The following AKAP6 variants were observed in gnomAD, a reference collection of about 807,000 sequenced individuals.
The protein encoded by AKAP6 is A-kinase anchor protein 6.
AKAP6 carries 58 observed loss-of-function variants against 188.5 expected under a neutral mutation model. The observed-to-expected ratio is 0.31, with a 90% CI of 0.25 to 0.38. The LOEUF is 0.38. Ranked by LOEUF, AKAP6 falls within the 10% of genes least tolerant of loss-of-function variation. The probability of loss-of-function intolerance (pLI) is 1.00; values close to 1 mark genes in which losing one functional copy is unlikely to be tolerated. For missense variants in AKAP6, 2,710 were observed against 2,740.0 expected (o/e 0.99, Z 0.24); for synonymous variants, 989 against 998.6 (o/e 0.99, Z 0.18).
chr14:32,583,983 C>T (rs1000747187), intron 5 of AKAP6, among the ~76,000 whole-genome samples: 6 of 152,242 alleles, frequency 3.9e-5, no homozygotes, highest in Non-Finnish European at 8.8e-5. Flanking sequence ...GCTGCACCCA[C>T]TGTCCTGCGC....
intron 2 of AKAP6, among the ~76,000 whole-genome samples, chr14:32,460,988 A>G (rs1305511695): frequency 6.6e-6 from 1 of 152,196 alleles, no homozygotes; most frequent in Non-Finnish European, 1.5e-5. Flanking sequence ...CAGTGCAGCA[A>G]AGTAGCTGTG....
chr14:32,532,446 A>G (rs1032234093), intron 2 of AKAP6, among the ~76,000 whole-genome samples: 1 of 152,004 alleles, frequency 6.6e-6, no homozygotes, highest in East Asian at 1.9e-4. Flanking sequence ...CCCTTTATAT[A>G]TTGTTTTCCC....
intron 12 of AKAP6, among the ~76,000 whole-genome samples, chr14:32,802,268 T>C (rs989881288): frequency 1.3e-5 from 2 of 152,216 alleles, no homozygotes; most frequent in Admixed American, 6.5e-5. Flanking sequence ...TAAATCAAAG[T>C]TCATAATCTT....
chr14:32,513,119 A>C (rs1034477598), intron 2 of AKAP6, among the ~76,000 whole-genome samples: 2 of 152,234 alleles, frequency 1.3e-5, no homozygotes, highest in East Asian at 3.9e-4. Flanking sequence ...GGTAAACAAG[A>C]TCTTGCTTTG....
chr14:32,567,117 C>A (rs1323410651), intron 4 of AKAP6, among the ~76,000 whole-genome samples: 1 of 152,078 alleles, frequency 6.6e-6, no homozygotes, highest in East Asian at 1.9e-4. Flanking sequence ...GATGGAGTCT[C>A]ACCATATTGC....
rs1038744103 is a variant in AKAP6 at position 32,747,515 on chromosome 14, A to T, written c.3372+11633A>T. On this transcript the variant is annotated intron_variant, in intron 11 of 13. Coordinates refer to ENST00000280979, the MANE Select transcript of AKAP6 (RefSeq NM_004274.5). ...ATTATATTAACCACGTATATCCATC[A>T]AAAGAAAACCACGTATATTCATCAA... Among the ~76,000 whole-genome samples the T allele has an allele frequency of 7.2e-5, 11 of 152,332 alleles. No individual in the cohort carries two copies. The East Asian group carries it at 2.1e-3, about 29-fold the overall frequency.
Position 32,459,741 on chromosome 14 carries a change from A to AT in AKAP6, c.324+25935dup, listed in dbSNP as rs71432056. Reference sequence around the variant, plus strand: ...AATTGTCACCGAAATTTGTCAACTGATTTTTTTTTTTCAGAAGACAGTGGA... The same window carrying AT: ...AATTGTCACCGAAATTTGTCAACTGATTTTTTTTTTTTCAGAAGACAGTGGA... On this transcript the variant is annotated intron_variant, in intron 2 of 13. Transcript: ENST00000280979. Among the ~76,000 whole-genome samples, 276 of 147,618 alleles carry AT rather than the reference A, an allele frequency of 1.9e-3. 1 individual carries two copies. The highest frequency in any genetic ancestry group is 7.0e-3 in the Middle Eastern group (2 of 286).
At chr14:32,565,138 A>T (rs532021555) in intron 4 of AKAP6, among the ~76,000 whole-genome samples, 1 of 152,268 alleles carries the variant, frequency 6.6e-6, no homozygotes, top group African/African-American at 2.4e-5. Context: ...CATGGTCTTT[A>T]GTACACCCTG....
At chr14:32,531,482 G>T (rs1205059645) in intron 2 of AKAP6, among the ~76,000 whole-genome samples, 1 of 152,154 alleles carries the variant, frequency 6.6e-6, no homozygotes, top group African/African-American at 2.4e-5. Context: ...ACTATAAACT[G>T]CTTTTCCTGT....
chr14:32,553,658 C>A (rs984881810), intron 4 of AKAP6, among the ~76,000 whole-genome samples: 8 of 152,276 alleles, frequency 5.3e-5, no homozygotes, highest in African/African-American at 1.9e-4. Flanking sequence ...AAGGCCTTTA[C>A]ATATATAAGC....
intron 2 of AKAP6, among the ~76,000 whole-genome samples, chr14:32,499,446 T>A (rs966182185): frequency 1.3e-5 from 2 of 151,964 alleles, no homozygotes; most frequent in Non-Finnish European, 2.9e-5. Context: ...TGTCATTTTT[T>A]ATACAATTAG....
At chr14:32,370,647 G>C (rs1887976396) in intron 1 of AKAP6, among the ~76,000 whole-genome samples, 1 of 152,230 alleles carries the variant, frequency 6.6e-6, no homozygotes, top group Non-Finnish European at 1.5e-5. Flanking sequence ...TGAGCAACTT[G>C]CATAAGATAA....
At chr14:32,607,161 T>C (rs1038898209) in intron 7 of AKAP6, among the ~76,000 whole-genome samples, 1 of 152,186 alleles carries the variant, frequency 6.6e-6, no homozygotes, top group Admixed American at 6.5e-5. Flanking sequence ...TAATATTTTC[T>C]TAGAATAGAA....
chr14:32,709,172 G>A (rs889344451), intron 9 of AKAP6, among the ~76,000 whole-genome samples: 6 of 152,040 alleles, frequency 3.9e-5, no homozygotes, highest in Non-Finnish European at 8.8e-5. Context: ...ACTGTCAGAA[G>A]CCTTTTCTGT....
At chr14:32,765,768 G>T (rs1215543298) in intron 11 of AKAP6, among the ~76,000 whole-genome samples, 1 of 150,840 alleles carries the variant, frequency 6.6e-6, no homozygotes, top group African/African-American at 2.4e-5. Flanking sequence ...ATCCACCCAT[G>T]GTTGCAGAAC....
chr14:32,536,070 T>C (rs566655138), intron 3 of AKAP6, among the ~76,000 whole-genome samples: 1 of 152,342 alleles, frequency 6.6e-6, no homozygotes, highest in South Asian at 2.1e-4. Flanking sequence ...TCTTCAATTA[T>C]TTAATAAATA....
At chr14:32,474,153 C>G (rs894583291) in intron 2 of AKAP6, 3 of 152,190 alleles carry the variant, frequency 2.0e-5, no homozygotes, top group African/African-American at 7.2e-5. Context: ...CCGCCTCGGC[C>G]TCCCAAAGTG....
At chr14:32,524,774 G>A (rs573010153) in intron 2 of AKAP6, among the ~76,000 whole-genome samples, 4 of 152,270 alleles carry the variant, frequency 2.6e-5, no homozygotes, top group East Asian at 1.9e-4. Context: ...AGGCTTGCAC[G>A]TAGTTCCCAC....
chr14:32,777,709 C>A (rs2033110525), intron 12 of AKAP6, among the ~76,000 whole-genome samples: 2 of 152,094 alleles, frequency 1.3e-5, no homozygotes, highest in African/African-American at 4.8e-5. Context: ...CTTCAAGCAG[C>A]CTAATTGAAG....
Sources: gnomAD v4.1 joint callset for allele counts (sites outside exome capture counted in the v4.1 genomes callset) on GRCh38, gnomAD v4.1.1 for gene constraint, MANE v1.5 for transcripts, NCBI Gene and HGNC (gene_info 2026-07-23, HGNC 2026-07-21) for gene names.